Variants in ADGRV1 observed in about 807,000 individuals in gnomAD.
ADGRV1 encodes adhesion G protein-coupled receptor V1, also known as G-protein coupled receptor 98.
ADGRV1 carries 359 observed loss-of-function variants against 596.2 expected under a neutral mutation model. The ratio of observed to expected loss-of-function variants is 0.60; its 90% CI spans 0.55 to 0.66. The LOEUF (loss-of-function observed/expected upper bound fraction) is 0.66. ADGRV1 is among the 30% of genes least tolerant of loss of function. ADGRV1 has a pLI of 0.00. For synonymous variants in ADGRV1, 2,681 were observed against 2,679.2 expected (o/e 1.00, Z -0.02); for missense variants, 7,274 against 7,575.6 (o/e 0.96, Z 1.48).
chr5:91,070,215 C>T (rs538934763), intron 85 of ADGRV1, among the ~76,000 whole-genome samples: 4 of 152,226 alleles, frequency 2.6e-5, no homozygotes, highest in African/African-American at 9.6e-5. Flanking sequence ...ATGCAATATA[C>T]TCATGTAACA....
chr5:91,052,592 G>A (rs1042987870), intron 85 of ADGRV1, among the ~76,000 whole-genome samples: 3 of 151,822 alleles, frequency 2.0e-5, no homozygotes, highest in Admixed American at 1.3e-4. Flanking sequence ...CCACCACCAC[G>A]CCTGGCTAAT....
chr5:91,070,057 T>G (rs1324495836), intron 85 of ADGRV1, among the ~76,000 whole-genome samples: 1 of 152,114 alleles, frequency 6.6e-6, no homozygotes, highest in Non-Finnish European at 1.5e-5. Context: ...AGCTAAGCAT[T>G]GGGTACTCTT....
At chr5:91,063,948 T>C (rs1787667901) in intron 85 of ADGRV1, among the ~76,000 whole-genome samples, 1 of 152,156 alleles carries the variant, frequency 6.6e-6, no homozygotes, top group Non-Finnish European at 1.5e-5. Context: ...TGTGCATTTA[T>C]TGTAAATATA....
chr5:91,163,580 C>T (rs1193051316), intron 89 of ADGRV1, among the ~76,000 whole-genome samples: 6 of 151,968 alleles, frequency 3.9e-5, no homozygotes, highest in African/African-American at 1.2e-4. Flanking sequence ...GAAATTAATC[C>T]GTACAATTTA....
intron 86 of ADGRV1, among the ~76,000 whole-genome samples, chr5:91,073,284 T>G (rs1206480985): frequency 1.3e-5 from 2 of 152,166 alleles, no homozygotes; most frequent in African/African-American, 4.8e-5. Flanking sequence ...TGTGAGTGAC[T>G]GGGATATTAG....
intron 6 of ADGRV1, chr5:90,626,228 G>T (rs1045080167): frequency 6.6e-6 from 1 of 151,912 alleles, no homozygotes; most frequent in East Asian, 1.9e-4. Flanking sequence ...AGTATTAGAA[G>T]ACATTATTAG....
At chr5:91,114,489 T>C (rs1039336292) in intron 87 of ADGRV1, among the ~76,000 whole-genome samples, 1 of 151,952 alleles carries the variant, frequency 6.6e-6, no homozygotes, top group Non-Finnish European at 1.5e-5. Context: ...ATCACACCAC[T>C]GCACTCCAGC....
intron 86 of ADGRV1, among the ~76,000 whole-genome samples, chr5:91,073,235 C>G (rs1424914208): frequency 6.6e-6 from 1 of 152,108 alleles, no homozygotes; most frequent in East Asian, 1.9e-4. Flanking sequence ...GAAGCAATAG[C>G]CACACACCTA....
chr5:90,739,625 A>C (rs1382310149), intron 50 of ADGRV1, among the ~76,000 whole-genome samples: 1 of 152,198 alleles, frequency 6.6e-6, no homozygotes, highest in Admixed American at 6.5e-5. Flanking sequence ...GTCTTCAGTA[A>C]GTCAGAGCTG....
At chr5:90,646,244 A>C (rs1488305622) in intron 16 of ADGRV1, among the ~76,000 whole-genome samples, 153 bp downstream of exon 16, 2 of 152,014 alleles carry the variant, frequency 1.3e-5, no homozygotes, top group African/African-American at 4.8e-5. Flanking sequence ...GAACATTTTC[A>C]ATAAAGCACA....
In ADGRV1 at chr5:90,649,190, G is replaced by A. The variant is rs1580591042; in HGVS notation, c.3289+1426G>A. ...AGCTAATTTTTTTATTTTTAGTAGA[G>A]ACAGGTTTTCACCATGTTAGCCAGG... On this transcript the variant is annotated intron_variant, in intron 17 of 89. Transcript: ENST00000405460. Among the ~76,000 whole-genome samples the A allele has an allele frequency of 3.3e-5, 5 of 152,072 alleles. No homozygotes were observed. In the South Asian group the frequency reaches 1.0e-3, roughly 32 times the overall value.
chr5:91,126,814 G>A (rs1793799117), intron 87 of ADGRV1, among the ~76,000 whole-genome samples: 1 of 152,152 alleles, frequency 6.6e-6, no homozygotes, highest in African/African-American at 2.4e-5. Context: ...CTTCTGTAGG[G>A]AGATTGTGGA....
chr5:91,055,105 C>A (rs1786719031), intron 85 of ADGRV1, among the ~76,000 whole-genome samples: 1 of 152,144 alleles, frequency 6.6e-6, no homozygotes, highest in East Asian at 1.9e-4. Context: ...AATGACTGAG[C>A]ACCAACCCAG....
At chr5:91,069,148 G>T (rs1788154839) in intron 85 of ADGRV1, among the ~76,000 whole-genome samples, 1 of 152,062 alleles carries the variant, frequency 6.6e-6, no homozygotes, top group Non-Finnish European at 1.5e-5. Flanking sequence ...ACTCAGGATG[G>T]ATTAAAGACT....
Position 91,163,887 on chromosome 5 carries a change from A to G in ADGRV1, c.18908A>G (p.Asp6303Gly), listed in dbSNP as rs1345721496. The G allele has an allele frequency of 1.3e-6, 2 of 1,547,946 alleles. No homozygotes were observed. The highest frequency in any genetic ancestry group is 4.5e-5 in the East Asian group (2 of 44,464). The change falls in exon 90 of 90, where the codon GAC (aspartate) becomes GGC (glycine). Residue 6303 changes from aspartate to glycine, a missense_variant. Physicochemically the swap from Asp to Gly is moderately conservative, Grantham distance 94 (BLOSUM62 -1). Coordinates refer to ENST00000405460, the MANE Select transcript of ADGRV1 (RefSeq NM_032119.4). Reference protein sequence around the residue: ...IVELRRIPIADTHL With the variant: ...IVELRRIPIAGTHL ...GAGCTCAGGAGGATACCCATCGCCG[A>G]CACTCACCTGTAGCACCTCACTAAC...
intron 21 of ADGRV1, among the ~76,000 whole-genome samples, chr5:90,666,763 C>T (rs1030319573): frequency 8.6e-5 from 13 of 151,530 alleles, no homozygotes; most frequent in African/African-American, 3.2e-4. Context: ...TGTTCCTTTC[C>T]ATGTTTAGCG....
chr5:90,808,521 T>A (rs1454744954), intron 73 of ADGRV1, among the ~76,000 whole-genome samples: 1 of 152,214 alleles, frequency 6.6e-6, no homozygotes, highest in Admixed American at 6.5e-5. Context: ...ACATATGCCA[T>A]TTTTAAAATG....
intron 58 of ADGRV1, among the ~76,000 whole-genome samples, chr5:90,761,566 TGAA>T (rs1402342667): frequency 6.6e-6 from 1 of 151,694 alleles, no homozygotes; most frequent in Non-Finnish European, 1.5e-5. Context: ...TTAGAGAAAA[TGAA>T]GACCTACACT....
chr5:90,831,186 C>G (rs915543531), intron 77 of ADGRV1, among the ~76,000 whole-genome samples: 2 of 151,804 alleles, frequency 1.3e-5, no homozygotes, highest in African/African-American at 4.8e-5. Context: ...GCCTCCATAA[C>G]TGCATGAGCT....
Sources: allele counts gnomAD v4.1 joint callset (sites outside exome capture counted in the v4.1 genomes callset), GRCh38; gene constraint gnomAD v4.1.1; transcripts MANE v1.5; gene names NCBI Gene and HGNC (gene_info 2026-07-23, HGNC 2026-07-21).